GPRIN2: variants seen among roughly 807,000 people sequenced by gnomAD.
The protein encoded by GPRIN2 is G protein regulated inducer of neurite outgrowth 2.
GPRIN2 carries 1 observed loss-of-function variant against 0.3 expected under a neutral mutation model. The ratio of observed to expected loss-of-function variants is 3.90; its 90% CI spans 1.39 to 18.51. The LOEUF (loss-of-function observed/expected upper bound fraction) is 18.51. Ranked by LOEUF, GPRIN2 falls within the 30% of genes most tolerant of loss-of-function variation. The probability of loss-of-function intolerance (pLI) is 0.11; values close to 1 mark genes in which losing one functional copy is unlikely to be tolerated. For missense variants in GPRIN2, 880 were observed against 604.2 expected, an observed-to-expected ratio of 1.46 and a Z score of -4.79; for synonymous variants, 361 against 258.6, an observed-to-expected ratio of 1.40 and a Z score of -3.80.
chr10:46,556,464 G>A (rs1047250469), intron 1 of GPRIN2, among the ~76,000 whole-genome samples, 34 bp downstream of exon 1: 2 of 152,062 alleles, frequency 1.3e-5, no homozygotes, highest in Admixed American at 6.6e-5. Flanking sequence ...CACGCCCCCC[G>A]CCCCAACGGG....
Position 46,549,893 on chromosome 10 carries a change from A to T in GPRIN2, c.844T>A (p.Leu282Met). ...AQHGVKIHCR[L>M]SGGLPGHSHC... ...GAATGCCCAGGGAGCCCCCCAGACA[A>T]CCTACAGTGGATCTTCACCCCATGC... Residue 282 changes from leucine to methionine, a missense_variant, in exon 3 of 3, where the codon TTG becomes ATG. Transcript: ENST00000374314. The T allele has an allele frequency of 6.2e-7, 1 of 1,614,274 alleles. No homozygotes were observed. The highest frequency in any genetic ancestry group is 8.5e-7 in the Non-Finnish European group (1 of 1,180,056).
intron 2 of GPRIN2, among the ~76,000 whole-genome samples, chr10:46,550,992 C>A (rs1388517341): frequency 5.1e-4 from 78 of 152,380 alleles, no homozygotes; most frequent in Non-Finnish European, 8.4e-4. Flanking sequence ...CAGTTAGAAT[C>A]TGCCCTAGGG....
chr10:46,556,412 G>T (rs1253212966), intron 1 of GPRIN2, among the ~76,000 whole-genome samples, 86 bp downstream of exon 1: 1 of 152,296 alleles, frequency 6.6e-6, no homozygotes, highest in African/African-American at 2.4e-5. Context: ...GCAGCGGGAA[G>T]GAGTGGGTTC....
rs1842110812 is a variant in GPRIN2, at chr10:46,545,864, TGAG to T, written c.*3493_*3495del. Among the ~76,000 whole-genome samples, 1 of 152,304 alleles carries T rather than the reference TGAG, an allele frequency of 6.6e-6. No individual in the cohort carries two copies. Among genetic ancestry groups the T allele is most frequent in the African/African-American group, 2.4e-5 (1 of 41,486 alleles). Reference sequence around the variant, plus strand: ...ACCATTGTCATCCCCATCTTACAGATGAGGAAGATGATCAAGGCTTGTAACTTG... The same window carrying T: ...ACCATTGTCATCCCCATCTTACAGATGAAGATGATCAAGGCTTGTAACTTG... On this transcript the variant is annotated 3_prime_UTR_variant, in exon 3 of 3. Transcript: ENST00000374314.
rs1475827541 is a variant in GPRIN2, at chr10:46,548,323, C to T, written c.*1037G>A. 6.6e-6 allele frequency among the ~76,000 whole-genome samples: 1 copy of T among 152,260 alleles called. No homozygotes were observed. The highest frequency in any genetic ancestry group is 1.5e-5 in the Non-Finnish European group (1 of 68,044). On this transcript the variant is annotated 3_prime_UTR_variant, in exon 3 of 3. Coordinates refer to ENST00000374314, the MANE Select transcript of GPRIN2 (RefSeq NM_001385282.1). ...CAGGTCATGTGGGCAAGCGAGCCCC[C>T]ACAGCCTCACAGCCCCTACCCCAGG...
At chr10:46,553,054 T>C (rs1842790369) in intron 2 of GPRIN2, among the ~76,000 whole-genome samples, 1 of 152,308 alleles carries the variant, frequency 6.6e-6, no homozygotes, top group South Asian at 2.1e-4. Flanking sequence ...GCATACATTG[T>C]CTCATATAAC....
At chr10:46,553,184 T>A (rs1832064226) in intron 2 of GPRIN2, among the ~76,000 whole-genome samples, 259 of 152,296 alleles carry the variant, frequency 1.7e-3, no homozygotes, top group African/African-American at 5.9e-3. Flanking sequence ...TGAGCTCCTC[T>A]CCCCTTCGAG....
rs1426973433 is a variant in GPRIN2 at position 46,546,013 on chromosome 10, C to G, written c.*3347G>C. Among the ~76,000 whole-genome samples, 1 of 152,306 alleles carries G rather than the reference C, an allele frequency of 6.6e-6. No homozygotes were observed. The highest frequency in any genetic ancestry group is 2.4e-5 in the African/African-American group (1 of 41,488). On this transcript the variant is annotated 3_prime_UTR_variant, in exon 3 of 3. Coordinates refer to ENST00000374314, the MANE Select transcript of GPRIN2 (RefSeq NM_001385282.1). ...GTGTTGGGACCTGCGTGTAGAAGAC[C>G]CCTTCAGCCCTTGTAAAGTTAGGAT...
chr10:46,550,583 G>A lies in GPRIN2; in HGVS notation c.154C>T (p.Leu52=), dbSNP rs1832314155. The A allele has an allele frequency of 8.2e-6, 13 of 1,585,728 alleles. No homozygotes were observed. The Admixed American group carries it at 8.9e-5, about 11-fold the overall frequency. ...TGGGGTCTGGTGCTGGCCTCGCCCAGCTGGGCCTGCCACACGGTGCTGCTG... is the reference window on the plus strand; with the variant it reads ...TGGGGTCTGGTGCTGGCCTCGCCCAACTGGGCCTGCCACACGGTGCTGCTG... ...TASSTVWQAQ[L]GEASTRPQAP... Residue 52 remains leucine (L), a synonymous_variant, in exon 3 of 3, where the codon CTG becomes TTG. Transcript: ENST00000374314.
At position 46,550,390 on chromosome 10, in the gene GPRIN2, G is replaced by A; in HGVS notation, c.347C>T (p.Ala116Val). 6.2e-7 allele frequency: 1 copy of A among 1,612,064 alleles called. No homozygotes were observed. The highest frequency in any genetic ancestry group is 8.5e-7 in the Non-Finnish European group (1 of 1,179,620). The change falls in exon 3 of 3, where the codon GCT becomes GTT. Residue 116 changes from alanine to valine, a missense_variant. Transcript: ENST00000374314. ...LCRLRAPSAA[A>V]MQRSHSDLVR... ...CAGGTCTGAATGGCTCCTCTGCATA[G>A]CAGCAGCACTAGGGGCCCGCAGGCG... is the stretch of plus-strand genomic sequence containing the variant.
intron 2 of GPRIN2, among the ~76,000 whole-genome samples, chr10:46,551,847 G>C (rs1452575795): frequency 6.6e-6 from 1 of 152,310 alleles, no homozygotes; most frequent in African/African-American, 2.4e-5. Context: ...CCCTGACTGA[G>C]CATTGGGCCT....
chr10:46,557,430 G>A (rs1257795926), upstream of GPRIN2, among the ~76,000 whole-genome samples: 1 of 152,428 alleles, frequency 6.6e-6, no homozygotes, highest in African/African-American at 2.4e-5. Context: ...CTGAAGACTG[G>A]TAATCTACCA....
chr10:46,550,638 C>G lies in GPRIN2; in HGVS notation c.99G>C (p.Arg33=). 1 of 1,570,408 alleles carries G rather than the reference C, an allele frequency of 6.4e-7. No individual in the cohort carries two copies. The highest frequency in any genetic ancestry group is 8.6e-7 in the Non-Finnish European group (1 of 1,159,582). Residue 33 remains arginine (R), a synonymous_variant, in exon 3 of 3, where the codon CGG becomes CGC. Transcript: ENST00000374314. ...TCTTGCGGAGCTCTGGCCTCTGTTC[C>G]CGGCCTTCACCCAGCAGGCTGGAAG... ...QSSSSLLGEG[R]EQRPELRKTA...
At chr10:46,551,684 T>A (rs1842627772) in intron 2 of GPRIN2, among the ~76,000 whole-genome samples, 1 of 152,296 alleles carries the variant, frequency 6.6e-6, no homozygotes, top group East Asian at 1.9e-4. Flanking sequence ...ATCCTCATTG[T>A]CCCCCACCCT....
Position 46,549,304 on chromosome 10 carries a change from G to C in GPRIN2, c.*56C>G. 1 of 1,443,638 alleles carries C rather than the reference G, an allele frequency of 6.9e-7. No homozygotes were observed. Among genetic ancestry groups the C allele is most frequent in the Non-Finnish European group, 9.1e-7 (1 of 1,097,296 alleles). 89.4% of individuals were successfully genotyped at this position (1,443,638 alleles called of 1,614,324 possible). A position where few individuals can be genotyped will look rare whatever the true frequency, so the allele number is the denominator to read the frequency against. On this transcript the variant is annotated 3_prime_UTR_variant, in exon 3 of 3. Transcript: ENST00000374314. ...GGGCACGGAGCCCCCACCGTCCCTG[G>C]CCCAGGTCTAGGACTAAGTCAGTGG...
rs1318255038 is a variant in GPRIN2, at chr10:46,546,667, G to A, written c.*2693C>T. 6.6e-6 allele frequency among the ~76,000 whole-genome samples: 1 copy of A among 152,310 alleles called. No homozygotes were observed. The highest frequency in any genetic ancestry group is 2.4e-5 in the African/African-American group (1 of 41,488). On this transcript the variant is annotated 3_prime_UTR_variant, in exon 3 of 3. Coordinates refer to ENST00000374314, the MANE Select transcript of GPRIN2 (RefSeq NM_001385282.1). ...GCTCTGGGGCCCTAAACCACTGCAG[G>A]CATCAGGGCTGTTCCAGGAGAGGGC... is the stretch of plus-strand genomic sequence containing the variant.
At chr10:46,556,091 G>C (rs1361328911) in intron 1 of GPRIN2, among the ~76,000 whole-genome samples, 1 of 152,312 alleles carries the variant, frequency 6.6e-6, no homozygotes, top group East Asian at 1.9e-4. Context: ...AGGCAAATGG[G>C]GCTGTGGGCC....
Position 46,549,322 on chromosome 10 carries a change from G to C in GPRIN2, c.*38C>G. On this transcript the variant is annotated 3_prime_UTR_variant, in exon 3 of 3. Transcript: ENST00000374314. ...GTCCCTGGCCCAGGTCTAGGACTAA[G>C]TCAGTGGGCCCAGGCCAGCTCCAAG... 6.9e-7 allele frequency: 1 copy of C among 1,456,236 alleles called. No homozygotes were observed. The highest frequency in any genetic ancestry group is 9.1e-7 in the Non-Finnish European group (1 of 1,104,922). 90.2% of individuals were successfully genotyped at this position (1,456,236 alleles called of 1,614,324 possible).
At position 46,545,039 on chromosome 10, in the gene GPRIN2, T is replaced by C. The variant is rs1842032686; in HGVS notation, c.*4321A>G. On this transcript the variant is annotated 3_prime_UTR_variant, in exon 3 of 3. Transcript: ENST00000374314. ...GGCCAGAATGAAAAAGGAGAAGGAATTTAACATGGGCAAATGCCAAGCTCT... is the reference window on the plus strand; with the variant it reads ...GGCCAGAATGAAAAAGGAGAAGGAACTTAACATGGGCAAATGCCAAGCTCT... Among the ~76,000 whole-genome samples the C allele has an allele frequency of 6.6e-6, 1 of 152,308 alleles. No individual in the cohort carries two copies. The highest frequency in any genetic ancestry group is 1.5e-5 in the Non-Finnish European group (1 of 68,056).
Sources: allele counts gnomAD v4.1 joint callset (sites outside exome capture counted in the v4.1 genomes callset), GRCh38; gene constraint gnomAD v4.1.1; transcripts MANE v1.5; gene names NCBI Gene and HGNC (gene_info 2026-07-23, HGNC 2026-07-21).